ASPH: variants seen among roughly 807,000 people sequenced by gnomAD.
The protein encoded by ASPH is aspartyl/asparaginyl beta-hydroxylase.
A neutral mutation model predicts 118.4 loss-of-function variants in ASPH; 100 were observed. The observed-to-expected ratio is 0.84, with a 90% CI of 0.72 to 1.00. ASPH has a LOEUF of 1.00. ASPH is among the 50% of genes least tolerant of loss of function. The pLI, the probability that ASPH is intolerant of heterozygous loss-of-function variation, is 0.00. For synonymous variants in ASPH, 315 were observed against 325.6 expected (o/e 0.97, Z 0.35); for missense variants, 920 against 919.5 (o/e 1.00, Z -0.01).
At chr8:61,534,627 A>T (rs1228055604) in intron 21 of ASPH, among the ~76,000 whole-genome samples, 1 of 152,160 alleles carries the variant, frequency 6.6e-6, no homozygotes. Context: ...CCCATGACAC[A>T]CTCAGATGAT....
chr8:61,603,378 A>C (rs1457646175), intron 14 of ASPH, among the ~76,000 whole-genome samples: 1 of 152,136 alleles, frequency 6.6e-6, no homozygotes. Context: ...TTTTGTGTGA[A>C]ACAAATCAGA....
chr8:61,517,627 A>G lies in ASPH; in HGVS notation c.2027T>C (p.Val676Ala), dbSNP rs778454709. Residue 676 changes from valine to alanine, a missense_variant, in exon 24 of 25, where the codon GTG becomes GCG. Coordinates refer to ENST00000379454, the MANE Select transcript of ASPH (RefSeq NM_004318.4). ...KYSIMHPGTH[V>A]WPHTGPTNCR... ...GTTTGTGGGCCCTGTGTGCGGCCACACGTGAGTCCCGGGGTGCATGATGGA... is the reference window on the plus strand; with the variant it reads ...GTTTGTGGGCCCTGTGTGCGGCCACGCGTGAGTCCCGGGGTGCATGATGGA... The G allele has an allele frequency of 6.2e-7, 1 of 1,614,128 alleles. No homozygotes were observed. Among genetic ancestry groups the G allele is most frequent in the Non-Finnish European group, 8.5e-7 (1 of 1,179,968 alleles).
At chr8:61,691,273 A>G (rs1216068868) in intron 1 of ASPH, among the ~76,000 whole-genome samples, 1 of 152,172 alleles carries the variant, frequency 6.6e-6, no homozygotes. Context: ...AGAGGTTGGT[A>G]CCATAGTCTG....
chr8:61,578,873 T>C (rs879228876), intron 15 of ASPH: 201 of 1,612,408 alleles, frequency 1.2e-4, no homozygotes, highest in South Asian at 5.2e-4. Context: ...AAGGGCTGAC[T>C]GACGAGATCA....
intron 5 of ASPH, among the ~76,000 whole-genome samples, chr8:61,648,794 A>G (rs1809386228): frequency 6.6e-6 from 1 of 152,210 alleles, no homozygotes; most frequent in Non-Finnish European, 1.5e-5. Flanking sequence ...AAGAACTTGA[A>G]AAACTGTGCT....
intron 15 of ASPH, chr8:61,583,582 G>GGTCGCCGT: frequency 6.1e-6 from 1 of 162,606 alleles, no homozygotes; most frequent in Non-Finnish European, 1.3e-5. Context: ...TCTTTAAATT[G>GGTCGCCGT]ATCTTTAAAA....
At chr8:61,571,600 C>T (rs1055821563) in intron 16 of ASPH, among the ~76,000 whole-genome samples, 1 of 151,874 alleles carries the variant, frequency 6.6e-6, no homozygotes, top group South Asian at 2.1e-4. Flanking sequence ...TATTTTCAAT[C>T]TGTGGTTGGT....
In ASPH at chr8:61,638,365, T is replaced by TAAAAA; in HGVS notation, c.791-7_791-3dup. ...CATTTTCTAGAGGTTCATATACTGC[T>TAAAAA]AAAAAAAAAAAAACAGAAACAAAAT... On this transcript the variant is annotated splice_region_variant and splice_polypyrimidine_tract_variant and intron_variant, in intron 10 of 24. Transcript: ENST00000379454. 1.5e-6 allele frequency: 2 copies of TAAAAA among 1,341,036 alleles called. No homozygotes were observed. The highest frequency in any genetic ancestry group is 2.5e-5 in the East Asian group (1 of 40,224). 83.1% of individuals were successfully genotyped at this position (1,341,036 alleles called of 1,614,324 possible).
At chr8:61,580,712 ACTG>A (rs1837243138) in intron 15 of ASPH, among the ~76,000 whole-genome samples, 1 of 152,188 alleles carries the variant, frequency 6.6e-6, no homozygotes, top group Non-Finnish European at 1.5e-5. Context: ...CTGTCTTCAT[ACTG>A]CTTTCTTTCT....
chr8:61,574,843 A>AAAAC (rs1003375621), intron 16 of ASPH, among the ~76,000 whole-genome samples: 3 of 152,162 alleles, frequency 2.0e-5, no homozygotes, highest in Admixed American at 1.3e-4. Flanking sequence ...TTAAAGTATA[A>AAAAC]AAACAAACAA....
At chr8:61,578,519 C>T (rs1836137334) in intron 15 of ASPH, 1 of 1,583,186 alleles carries the variant, frequency 6.3e-7, no homozygotes, top group Non-Finnish European at 8.7e-7. Context: ...CCCTCAACAA[C>T]AAGTTTGCCT....
intron 19 of ASPH, 84 bp from the exon 20 acceptor site, chr8:61,553,204 C>T (rs1826642816): frequency 4.6e-6 from 5 of 1,088,262 alleles, no homozygotes; most frequent in African/African-American, 1.6e-5. Flanking sequence ...TCTTATGGCA[C>T]ATCGTATGAA....
At chr8:61,547,105 T>C (rs958906292) in intron 21 of ASPH, among the ~76,000 whole-genome samples, 1 of 152,188 alleles carries the variant, frequency 6.6e-6, no homozygotes, top group African/African-American at 2.4e-5. Context: ...TGATTGGAAC[T>C]ATGAGTTAAT....
intron 20 of ASPH, 49 bp from the exon 21 acceptor site, chr8:61,548,257 T>G (rs768433577): frequency 6.6e-7 from 1 of 1,519,484 alleles, no homozygotes; most frequent in Non-Finnish European, 8.8e-7. Flanking sequence ...CAACAGAGCA[T>G]TTTTATTAAT....
At chr8:61,624,662 T>C (rs1309398157) in intron 13 of ASPH, 1 of 985,338 alleles carries the variant, frequency 1.0e-6, no homozygotes, top group East Asian at 1.1e-4. Flanking sequence ...ATTCAGATAT[T>C]TGGAATTCAA....
intron 19 of ASPH, among the ~76,000 whole-genome samples, chr8:61,554,849 C>T (rs1209270788): frequency 6.6e-6 from 1 of 152,134 alleles, no homozygotes; most frequent in Non-Finnish European, 1.5e-5. Flanking sequence ...GTAGCTGGGA[C>T]CACAGGCATG....
intron 3 of ASPH, among the ~76,000 whole-genome samples, chr8:61,662,426 G>A (rs1205008220): frequency 6.6e-6 from 1 of 152,074 alleles, no homozygotes; most frequent in Non-Finnish European, 1.5e-5. Context: ...TTGTCCCGTT[G>A]TAGCTGGCTT....
intron 14 of ASPH, among the ~76,000 whole-genome samples, 192 bp downstream of exon 14, chr8:61,618,786 T>C (rs1849891516): frequency 6.6e-6 from 1 of 152,196 alleles, no homozygotes; most frequent in East Asian, 1.9e-4. Flanking sequence ...GGCAACCTCT[T>C]TCTGTGCTTT....
rs549525591 is a variant in ASPH at position 61,651,661 on chromosome 8, G to A, written c.416-537C>T. On this transcript the variant is annotated intron_variant, in intron 4 of 24. Coordinates refer to ENST00000379454, the MANE Select transcript of ASPH (RefSeq NM_004318.4). ...CTCTCACTCAGGTTTGTCAGGAAGT[G>A]TCAGTAGAAAACCTTACATTGTAAC... Among the ~76,000 whole-genome samples, 37 of 152,342 alleles carry A rather than the reference G, an allele frequency of 2.4e-4. No individual in the cohort carries two copies. In the South Asian group the frequency reaches 7.7e-3, roughly 32 times the overall value.
Sources: allele counts gnomAD v4.1 joint callset (sites outside exome capture counted in the v4.1 genomes callset), GRCh38; gene constraint gnomAD v4.1.1; transcripts MANE v1.5; gene names NCBI Gene and HGNC (gene_info 2026-07-23, HGNC 2026-07-21).